Variants in CACUL1 observed in about 807,000 individuals in gnomAD.
CACUL1 encodes CDK2-associated and cullin domain-containing protein 1.
In CACUL1, 13 loss-of-function variants were observed where a neutral mutation model predicts 45.2. The observed-to-expected ratio is 0.29, with a 90% CI of 0.19 to 0.46. CACUL1 has a LOEUF of 0.46. Ranked by LOEUF, CACUL1 falls within the 20% of genes least tolerant of loss-of-function variation. The pLI is 1.00. For missense variants in CACUL1, 421 were observed against 471.4 expected, an observed-to-expected ratio of 0.89 and a Z score of 0.99; for synonymous variants, 197 against 174.2, an observed-to-expected ratio of 1.13 and a Z score of -1.03.
intron 3 of CACUL1, among the ~76,000 whole-genome samples, chr10:118,723,375 T>G (rs1845619352): frequency 6.6e-6 from 1 of 152,188 alleles, no homozygotes; most frequent in Admixed American, 6.5e-5. Flanking sequence ...CCTTCAAACT[T>G]ACACATTATT....
chr10:118,730,198 C>T (rs1461629983), intron 2 of CACUL1, 86 bp downstream of exon 2: 8 of 1,356,048 alleles, frequency 5.9e-6, no homozygotes, highest in Non-Finnish European at 8.4e-6. Context: ...ATGCATTCTA[C>T]ATTACATGTT....
chr10:118,691,538 G>T (rs1845266384), intron 6 of CACUL1, 135 bp from the exon 7 acceptor site: 1 of 752,562 alleles, frequency 1.3e-6, no homozygotes, highest in Non-Finnish European at 2.2e-6. Context: ...ATCCCATTCT[G>T]GTAAAGAACA....
At chr10:118,708,400 ATTAG>A (rs1845453389) in intron 3 of CACUL1, among the ~76,000 whole-genome samples, 1 of 152,172 alleles carries the variant, frequency 6.6e-6, no homozygotes, top group African/African-American at 2.4e-5. Context: ...AATTATAAAT[ATTAG>A]TTAGAAAGCA....
intron 3 of CACUL1, among the ~76,000 whole-genome samples, chr10:118,724,386 T>C (rs905717978): frequency 6.6e-6 from 1 of 152,188 alleles, no homozygotes; most frequent in African/African-American, 2.4e-5. Context: ...ATTTTTGTAA[T>C]TGCTCTCAGC....
At chr10:118,701,620 T>A (rs1347917247) in intron 4 of CACUL1, among the ~76,000 whole-genome samples, 1 of 152,142 alleles carries the variant, frequency 6.6e-6, no homozygotes, top group East Asian at 1.9e-4. Flanking sequence ...GAACTATACA[T>A]CTTCAAAAGA....
chr10:118,746,001 A>C (rs1254698297), intron 1 of CACUL1, among the ~76,000 whole-genome samples: 1 of 151,498 alleles, frequency 6.6e-6, no homozygotes, highest in African/African-American at 2.4e-5. Flanking sequence ...AAAAAAAAAA[A>C]ATTAGCTGGG....
intron 1 of CACUL1, among the ~76,000 whole-genome samples, chr10:118,738,936 G>T (rs1016386771): frequency 7.6e-6 from 1 of 131,248 alleles, no homozygotes; most frequent in African/African-American, 2.8e-5. Flanking sequence ...TGTGGTTCAC[G>T]CCTGTAATCC....
intron 3 of CACUL1, among the ~76,000 whole-genome samples, chr10:118,724,281 T>C (rs1845630333): frequency 6.6e-6 from 1 of 152,210 alleles, no homozygotes; most frequent in South Asian, 2.1e-4. Context: ...GTGACCCCAG[T>C]AGATAAATGG....
chr10:118,742,522 G>A (rs142656727), intron 1 of CACUL1, among the ~76,000 whole-genome samples: 2 of 152,168 alleles, frequency 1.3e-5, no homozygotes, highest in African/African-American at 4.8e-5. Context: ...AGCAAGACAA[G>A]ATCCCCAATA....
intron 1 of CACUL1, among the ~76,000 whole-genome samples, chr10:118,738,830 T>C: frequency 7.0e-6 from 1 of 142,910 alleles, no homozygotes; most frequent in South Asian, 2.2e-4. Context: ...AATTACTATC[T>C]TCAGAAAGGT....
intron 5 of CACUL1, among the ~76,000 whole-genome samples, chr10:118,698,225 C>A (rs2119567221): frequency 6.6e-6 from 1 of 150,972 alleles, no homozygotes; most frequent in African/African-American, 2.4e-5. Context: ...CTCACTGCAA[C>A]CTCTGACTCC....
chr10:118,726,239 CCA>C, intron 3 of CACUL1: 1 of 1,005,496 alleles, frequency 9.9e-7, no homozygotes, highest in Non-Finnish European at 1.4e-6. Context: ...TTACATCAGG[CCA>C]CACACATCAC....
rs377766688 is a variant in CACUL1 at position 118,730,437 on chromosome 10, T to C, written c.368-27A>G. The C allele has an allele frequency of 1.4e-5, 22 of 1,576,386 alleles. No homozygotes were observed. In the African/African-American group the frequency reaches 2.9e-4, roughly 21 times the overall value. Reference sequence around the variant, plus strand: ...TAAAAGTAAAAAGTAAAATAAATATTACTACGTGCCACATGTGGAGCAAAC... The same window carrying C: ...TAAAAGTAAAAAGTAAAATAAATATCACTACGTGCCACATGTGGAGCAAAC... On this transcript the variant is annotated intron_variant, in intron 1 of 8. Transcript: ENST00000369151.
intron 1 of CACUL1, among the ~76,000 whole-genome samples, chr10:118,737,446 T>C (rs1414110289): frequency 6.6e-6 from 1 of 152,184 alleles, no homozygotes; most frequent in East Asian, 1.9e-4. Flanking sequence ...TAACACACTC[T>C]TTAAGGGTTC....
At position 118,754,406 on chromosome 10, in the gene CACUL1, G is replaced by C. The variant is rs372737377; in HGVS notation, c.357C>G (p.Thr119=). ...ASSTININTS[T]SKFLMNVITI... ...AAAGGCTGGACTCACAGAACTTGGA[G>C]GTGGAGGTGTTGATGTTGATGGTGG... Residue 119 remains threonine, a synonymous_variant, in exon 1 of 9, where the codon ACC becomes ACG. Transcript: ENST00000369151. 2.5e-6 allele frequency: 4 copies of C among 1,569,108 alleles called. No individual in the cohort carries two copies. Among genetic ancestry groups the C allele is most frequent in the South Asian group, 1.2e-5 (1 of 86,318 alleles).
At chr10:118,686,728 C>T (rs898053383) in intron 7 of CACUL1, 87 bp from the exon 8 acceptor site, 1 of 943,406 alleles carries the variant, frequency 1.1e-6, no homozygotes, top group Non-Finnish European at 1.7e-6. Context: ...AAAAGTATAG[C>T]AGACATTTCA....
chr10:118,753,834 CATT>C (rs1330291342), intron 1 of CACUL1, among the ~76,000 whole-genome samples: 2 of 152,224 alleles, frequency 1.3e-5, no homozygotes, highest in African/African-American at 4.8e-5. Context: ...GAAAGCAACT[CATT>C]ATTTCCCTAG....
At chr10:118,716,987 C>A (rs1845553231) in intron 3 of CACUL1, among the ~76,000 whole-genome samples, 1 of 152,164 alleles carries the variant, frequency 6.6e-6, no homozygotes, top group Non-Finnish European at 1.5e-5. Flanking sequence ...TTTCCATACG[C>A]CAGTGGACCT....
intron 5 of CACUL1, among the ~76,000 whole-genome samples, chr10:118,695,599 T>G (rs1845314838): frequency 6.6e-6 from 1 of 152,188 alleles, no homozygotes; most frequent in South Asian, 2.1e-4. Flanking sequence ...TCATTTCTCC[T>G]TCCCCCAAAA....
Sources: allele counts gnomAD v4.1 joint callset (sites outside exome capture counted in the v4.1 genomes callset), GRCh38; gene constraint gnomAD v4.1.1; transcripts MANE v1.5; gene names NCBI Gene and HGNC (gene_info 2026-07-23, HGNC 2026-07-21).